Variants in MAP7 observed in about 807,000 individuals in gnomAD.
The protein encoded by MAP7 is ensconsin.
Under a neutral mutation model 94.8 loss-of-function variants are expected in MAP7, and 52 were observed. The ratio of observed to expected loss-of-function variants is 0.55; its 90% CI spans 0.44 to 0.69. The LOEUF is 0.69. MAP7 is among the 30% of genes least tolerant of loss of function. The pLI, the probability that MAP7 is intolerant of heterozygous loss-of-function variation, is 0.00. For synonymous variants in MAP7, 350 were observed against 357.0 expected, an observed-to-expected ratio of 0.98 and a Z score of 0.22; for missense variants, 940 against 964.6, an observed-to-expected ratio of 0.97 and a Z score of 0.34.
intron 2 of MAP7, among the ~76,000 whole-genome samples, chr6:136,416,015 C>A (rs1309893138): frequency 6.6e-6 from 1 of 152,084 alleles, no homozygotes; most frequent in African/African-American, 2.4e-5. Context: ...CCCTCTGTTC[C>A]CATTAATATG....
intron 3 of MAP7, among the ~76,000 whole-genome samples, chr6:136,398,530 C>A (rs1229155467): frequency 6.6e-6 from 1 of 152,130 alleles, no homozygotes; most frequent in African/African-American, 2.4e-5. Context: ...GTGGGAGGGA[C>A]CCCGTGGGAC....
chr6:136,545,508 C>T (rs1257086383), intron 1 of MAP7: 2 of 152,130 alleles, frequency 1.3e-5, no homozygotes, highest in Non-Finnish European at 2.9e-5. Flanking sequence ...TCAACACTTC[C>T]CCCACTACCC....
At chr6:136,483,487 G>A (rs1813592157) in intron 1 of MAP7, among the ~76,000 whole-genome samples, 1 of 151,808 alleles carries the variant, frequency 6.6e-6, no homozygotes, top group African/African-American at 2.4e-5. Flanking sequence ...TAACAAACCT[G>A]CACATGTACC....
chr6:136,524,781 AAC>A (rs1247971395), intron 1 of MAP7, among the ~76,000 whole-genome samples: 5 of 152,238 alleles, frequency 3.3e-5, no homozygotes, highest in African/African-American at 1.2e-4. Context: ...GATTCTATTT[AAC>A]ACTCTTCACT....
At chr6:136,366,113 T>TA in intron 9 of MAP7, 95 bp from the exon 10 acceptor site, 1 of 1,299,114 alleles carries the variant, frequency 7.7e-7, no homozygotes, top group Non-Finnish European at 1.0e-6. Context: ...AATGCAGATA[T>TA]TTAGCTCCGT....
chr6:136,389,055 T>C (rs1779954140), intron 4 of MAP7, among the ~76,000 whole-genome samples: 2 of 152,206 alleles, frequency 1.3e-5, no homozygotes, highest in African/African-American at 4.8e-5. Context: ...TGGTAAAGAC[T>C]ACAGAAACTC....
intron 2 of MAP7, chr6:136,420,236 C>A: frequency 9.9e-7 from 1 of 1,012,478 alleles, no homozygotes. Context: ...ACATAGAAAT[C>A]TGACAGGGCC....
intron 1 of MAP7, among the ~76,000 whole-genome samples, chr6:136,486,254 T>G (rs992028795): frequency 6.6e-6 from 1 of 152,174 alleles, no homozygotes; most frequent in Non-Finnish European, 1.5e-5. Context: ...GAATCCTTAA[T>G]GAAGATCTAC....
chr6:136,344,256 A>G lies in MAP7; in HGVS notation c.2240-18T>C. The G allele has an allele frequency of 1.5e-6, 2 of 1,292,284 alleles. No individual in the cohort carries two copies. The highest frequency in any genetic ancestry group is 1.8e-5 in the South Asian group (1 of 56,702). The allele number at this position is 1,292,284 out of a possible 1,614,324, so 80.1% of individuals were successfully genotyped here. On this transcript the variant is annotated intron_variant, in intron 17 of 17. Coordinates refer to ENST00000354570, the MANE Select transcript of MAP7 (RefSeq NM_003980.6). ...TATAACTTCTACATGAAGAGACAGAAAAAGAACAAGATTAATATGACATTT... is the reference window on the plus strand; with the variant it reads ...TATAACTTCTACATGAAGAGACAGAGAAAGAACAAGATTAATATGACATTT...
At chr6:136,542,792 C>T (rs372734536) in intron 1 of MAP7, among the ~76,000 whole-genome samples, 12 of 151,926 alleles carry the variant, frequency 7.9e-5, no homozygotes, top group African/African-American at 2.7e-4. Context: ...ATATAAATTC[C>T]GTATTATACC....
chr6:136,498,430 A>G (rs1016552476), intron 1 of MAP7, among the ~76,000 whole-genome samples: 3 of 152,082 alleles, frequency 2.0e-5, no homozygotes, highest in Non-Finnish European at 4.4e-5. Flanking sequence ...AACAGTCACA[A>G]ATTTATGTAC....
intron 1 of MAP7, among the ~76,000 whole-genome samples, chr6:136,447,726 T>C (rs1157521885): frequency 1.3e-5 from 2 of 152,244 alleles, no homozygotes; most frequent in African/African-American, 4.8e-5. Context: ...AAACCTCTTG[T>C]ATCAATATCA....
intron 8 of MAP7, among the ~76,000 whole-genome samples, chr6:136,367,453 G>A (rs571248587): frequency 5.1e-4 from 78 of 152,214 alleles, no homozygotes; most frequent in African/African-American, 1.7e-3. Context: ...TTTCTGCCTG[G>A]CTCAAGCATC....
At chr6:136,520,436 T>C (rs1826059214) in intron 1 of MAP7, among the ~76,000 whole-genome samples, 1 of 152,230 alleles carries the variant, frequency 6.6e-6, no homozygotes, top group African/African-American at 2.4e-5. Context: ...AAAGTTATTT[T>C]AAGTGTTAAG....
intron 1 of MAP7, among the ~76,000 whole-genome samples, chr6:136,473,197 C>G (rs552629811): frequency 2.0e-5 from 3 of 152,184 alleles, no homozygotes; most frequent in Non-Finnish European, 2.9e-5. Context: ...CAGAAGTGCT[C>G]GTCTTCTCTC....
chr6:136,410,646 G>C (rs949476808), intron 3 of MAP7, among the ~76,000 whole-genome samples: 4 of 152,224 alleles, frequency 2.6e-5, no homozygotes, highest in Non-Finnish European at 4.4e-5. Context: ...ATTATGGCAA[G>C]GGACAGAAAC....
intron 5 of MAP7, among the ~76,000 whole-genome samples, chr6:136,387,608 G>A (rs941595838): frequency 1.3e-5 from 2 of 152,144 alleles, no homozygotes; most frequent in African/African-American, 4.8e-5. Context: ...CAATCACAGG[G>A]ATGTCTGTAC....
intron 1 of MAP7, among the ~76,000 whole-genome samples, chr6:136,528,265 T>C (rs1355264687): frequency 6.6e-6 from 1 of 152,194 alleles, no homozygotes; most frequent in Non-Finnish European, 1.5e-5. Flanking sequence ...GCATATAAGA[T>C]CTTATTGTTT....
intron 1 of MAP7, chr6:136,526,457 G>C (rs1827903120): frequency 1.0e-6 from 1 of 986,072 alleles, no homozygotes; most frequent in African/African-American, 1.7e-5. Context: ...ACAGCAGAGA[G>C]GGGAAAATAT....
Sources: allele counts gnomAD v4.1 joint callset (sites outside exome capture counted in the v4.1 genomes callset), GRCh38; gene constraint gnomAD v4.1.1; transcripts MANE v1.5; gene names NCBI Gene and HGNC (gene_info 2026-07-23, HGNC 2026-07-21).